GNAT3: variants seen among roughly 807,000 people sequenced by gnomAD.
GNAT3 encodes the protein guanine nucleotide-binding protein G(t) subunit alpha-3.
A neutral mutation model predicts 37.7 loss-of-function variants in GNAT3; 31 were observed. That is an observed-to-expected ratio of 0.82 (90% confidence interval 0.62 to 1.11). The LOEUF is 1.11. Ranked by LOEUF, GNAT3 falls within the 50% of genes most tolerant of loss-of-function variation. The pLI is 0.00. For missense variants in GNAT3, 437 were observed against 412.5 expected (o/e 1.06, Z -0.51); for synonymous variants, 138 against 139.8 (o/e 0.99, Z 0.09).
chr7:80,505,856 T>G (rs1162191841), intron 1 of GNAT3, among the ~76,000 whole-genome samples: 1 of 152,194 alleles, frequency 6.6e-6, no homozygotes, highest in Non-Finnish European at 1.5e-5. Context: ...TAATCCTACT[T>G]TAGGTTCAAA....
chr7:80,506,241 G>T (rs1156608927), intron 1 of GNAT3, among the ~76,000 whole-genome samples: 1 of 152,170 alleles, frequency 6.6e-6, no homozygotes, highest in Non-Finnish European at 1.5e-5. Context: ...ACTGTAGTTA[G>T]CAAGAGTCAT....
At chr7:80,483,956 G>T (rs555447202) in intron 3 of GNAT3, among the ~76,000 whole-genome samples, 7 of 152,118 alleles carry the variant, frequency 4.6e-5, no homozygotes, top group Admixed American at 3.3e-4. Flanking sequence ...TCTCTTTAAA[G>T]AATATTTATT....
At chr7:80,468,880 C>G (rs908561817) in intron 5 of GNAT3, among the ~76,000 whole-genome samples, 2 of 152,018 alleles carry the variant, frequency 1.3e-5, no homozygotes, top group African/African-American at 4.8e-5. Flanking sequence ...GATAATTCTC[C>G]GATTATTTAA....
intron 3 of GNAT3, among the ~76,000 whole-genome samples, chr7:80,482,286 C>T (rs906758779): frequency 6.6e-6 from 1 of 152,164 alleles, no homozygotes; most frequent in Admixed American, 6.5e-5. Context: ...GCTCTGGTCA[C>T]TTTCACTAGC....
chr7:80,495,702 C>T (rs1463312678), intron 1 of GNAT3, among the ~76,000 whole-genome samples: 1 of 151,966 alleles, frequency 6.6e-6, no homozygotes, highest in Non-Finnish European at 1.5e-5. Flanking sequence ...CTGCTGATCT[C>T]GTGATCTGCC....
chr7:80,467,527 T>G (rs1197745306), intron 5 of GNAT3, among the ~76,000 whole-genome samples: 1 of 152,106 alleles, frequency 6.6e-6, no homozygotes, highest in Non-Finnish European at 1.5e-5. Context: ...TGTAGTCATT[T>G]ATTTTTCATA....
chr7:80,496,702 T>C (rs1790723419), intron 1 of GNAT3, among the ~76,000 whole-genome samples: 2 of 152,226 alleles, frequency 1.3e-5, no homozygotes, highest in Admixed American at 6.5e-5. Context: ...ATGAATTCTT[T>C]GACTCATACT....
In GNAT3 at chr7:80,479,016, T is replaced by A; in HGVS notation, c.304-18A>T. 1 of 1,559,754 alleles carries A rather than the reference T, an allele frequency of 6.4e-7. No homozygotes were observed. Among genetic ancestry groups the A allele is most frequent in the Non-Finnish European group, 8.7e-7 (1 of 1,148,722 alleles). On this transcript the variant is annotated intron_variant, in intron 3 of 7. Transcript: ENST00000398291. Reference sequence around the variant, plus strand: ...TGGTCCTCCTAGAACAATATTTTGGTGAGAATAAGTATGTATTATTTGGAA... The same window carrying A: ...TGGTCCTCCTAGAACAATATTTTGGAGAGAATAAGTATGTATTATTTGGAA...
At chr7:80,470,983 C>T (rs1186339060) in intron 5 of GNAT3, among the ~76,000 whole-genome samples, 4 of 150,420 alleles carry the variant, frequency 2.7e-5, no homozygotes. Flanking sequence ...AAAGGCAGAC[C>T]CACCCTTAAT....
chr7:80,482,465 TATTTTCTTTTTCTTTTTTCTTTC>T (rs1000208146), intron 3 of GNAT3, among the ~76,000 whole-genome samples: 6 of 151,958 alleles, frequency 3.9e-5, no homozygotes, highest in African/African-American at 1.4e-4. Flanking sequence ...TTTTCTTTCT[TATTTTCTTTTTCTTTTTTCTTTC>T]TTTTTCTTTT....
chr7:80,478,767 G>T, intron 4 of GNAT3, 74 bp downstream of exon 4: 1 of 1,402,320 alleles, frequency 7.1e-7, no homozygotes, highest in Non-Finnish European at 9.9e-7. Context: ...ATTTACAAAT[G>T]CAAAGTATGC....
intron 2 of GNAT3, among the ~76,000 whole-genome samples, chr7:80,493,678 CTCCTCCTCTT>C (rs1205273266): frequency 2.2e-5 from 3 of 137,748 alleles, no homozygotes; most frequent in African/African-American, 8.8e-5. Context: ...CTCTTTCCTC[CTCCTCCTCTT>C]TCCTCCTCCT....
chr7:80,486,764 C>A (rs1033182347), intron 3 of GNAT3, among the ~76,000 whole-genome samples: 3 of 150,924 alleles, frequency 2.0e-5, no homozygotes, highest in Non-Finnish European at 4.4e-5. Context: ...CATGAGACAC[C>A]ATATCTGGTC....
chr7:80,506,234 G>T (rs1338917313), intron 1 of GNAT3, among the ~76,000 whole-genome samples: 1 of 152,160 alleles, frequency 6.6e-6, no homozygotes, highest in African/African-American at 2.4e-5. Context: ...TTGTTAAACT[G>T]TAGTTAGCAA....
At chr7:80,509,556 T>C (rs1024945906) in intron 1 of GNAT3, among the ~76,000 whole-genome samples, 1 of 152,134 alleles carries the variant, frequency 6.6e-6, no homozygotes, top group African/African-American at 2.4e-5. Context: ...ATATTGCTCT[T>C]TCTTCTTGAT....
At chr7:80,469,357 A>C (rs2116151866) in intron 5 of GNAT3, among the ~76,000 whole-genome samples, 1 of 152,226 alleles carries the variant, frequency 6.6e-6, no homozygotes, top group African/African-American at 2.4e-5. Context: ...CTTCTCTATA[A>C]TTGTCTGCTA....
At chr7:80,497,663 C>T (rs983758295) in intron 1 of GNAT3, among the ~76,000 whole-genome samples, 2 of 105,964 alleles carry the variant, frequency 1.9e-5, no homozygotes, top group Non-Finnish European at 3.6e-5. Flanking sequence ...TATACATATA[C>T]GTATATACAT....
intron 1 of GNAT3, among the ~76,000 whole-genome samples, chr7:80,503,532 G>C (rs932186873): frequency 6.6e-6 from 1 of 152,128 alleles, no homozygotes; most frequent in Non-Finnish European, 1.5e-5. Flanking sequence ...AACAGAAGCA[G>C]TAAAGAGAAA....
chr7:80,504,044 G>T (rs764494321), intron 1 of GNAT3, among the ~76,000 whole-genome samples: 1 of 152,164 alleles, frequency 6.6e-6, no homozygotes, highest in Non-Finnish European at 1.5e-5. Context: ...CGCTCAGGGT[G>T]GAGGCTCATG....
Sources: allele counts gnomAD v4.1 joint callset (sites outside exome capture counted in the v4.1 genomes callset), GRCh38; gene constraint gnomAD v4.1.1; transcripts MANE v1.5; gene names NCBI Gene and HGNC (gene_info 2026-07-23, HGNC 2026-07-21).